The following CCDC122 variants were observed in gnomAD, a reference collection of about 807,000 sequenced individuals.
CCDC122 encodes coiled-coil domain-containing protein 122.
In CCDC122, 38 loss-of-function variants were observed where a neutral mutation model predicts 37.0. The ratio of observed to expected loss-of-function variants is 1.03; its 90% confidence interval spans 0.79 to 1.35. The LOEUF is 1.35. CCDC122 is among the 40% of genes most tolerant of loss of function. The probability of loss-of-function intolerance (pLI) is 0.00; values close to 1 mark genes in which losing one functional copy is unlikely to be tolerated. For missense variants in CCDC122, 305 were observed against 310.0 expected (o/e 0.98, Z 0.12); for synonymous variants, 83 against 95.6 (o/e 0.87, Z 0.77).
At chr13:43,872,337 G>T (rs9533665) in intron 2 of CCDC122, among the ~76,000 whole-genome samples, 19,875 of 151,900 alleles carry the variant, frequency 0.13, 1,631 homozygotes, top group African/African-American at 0.22. Context: ...CAGCTGCTTT[G>T]CTTATACTCA....
chr13:43,827,402 G>C (rs1231193081), intron 3 of CCDC122, among the ~76,000 whole-genome samples: 1 of 152,130 alleles, frequency 6.6e-6, no homozygotes, highest in African/African-American at 2.4e-5. Context: ...ATGCTAGACT[G>C]TCCATAATGA....
chr13:43,852,364 C>T (rs1328811310), intron 6 of CCDC122, among the ~76,000 whole-genome samples: 1 of 151,622 alleles, frequency 6.6e-6, no homozygotes, highest in Admixed American at 6.6e-5. Flanking sequence ...GCAGAATAGA[C>T]CAAGCAGAGG....
chr13:43,836,119 T>A (rs1953153835), downstream of CCDC122, among the ~76,000 whole-genome samples: 1 of 152,248 alleles, frequency 6.6e-6, no homozygotes. Flanking sequence ...AATTATTTAA[T>A]CCTACAAATG....
intron 5 of CCDC122, among the ~76,000 whole-genome samples, 154 bp downstream of exon 5, chr13:43,859,518 A>C (rs534820518): frequency 1.3e-5 from 2 of 152,188 alleles, no homozygotes; most frequent in East Asian, 3.9e-4. Flanking sequence ...ACATGTACTT[A>C]TTCCAAGTTT....
downstream of CCDC122, among the ~76,000 whole-genome samples, chr13:43,820,492 CAA>C (rs1481703645): frequency 2.6e-5 from 4 of 152,046 alleles, no homozygotes; most frequent in African/African-American, 9.7e-5. Flanking sequence ...TCTCACTGGT[CAA>C]AGATAGGGCT....
intron 4 of CCDC122, among the ~76,000 whole-genome samples, chr13:43,861,607 T>C (rs891560618): frequency 2.0e-5 from 3 of 152,170 alleles, no homozygotes; most frequent in Non-Finnish European, 2.9e-5. Flanking sequence ...AAATTTGTAA[T>C]GTTAGAGGGC....
At chr13:43,872,376 T>C (rs1954479945) in intron 2 of CCDC122, among the ~76,000 whole-genome samples, 1 of 152,124 alleles carries the variant, frequency 6.6e-6, no homozygotes, top group Admixed American at 6.6e-5. Context: ...AAGAAAGACA[T>C]GCAACTATGC....
chr13:43,845,477 G>A (rs1953487965), intron 6 of CCDC122, among the ~76,000 whole-genome samples: 2 of 152,202 alleles, frequency 1.3e-5, no homozygotes, highest in South Asian at 4.1e-4. Context: ...TTGGGAGGCT[G>A]AGGCAGGTAG....
At chr13:43,875,904 G>T (rs915497505) in intron 1 of CCDC122, among the ~76,000 whole-genome samples, 9 of 152,166 alleles carry the variant, frequency 5.9e-5, no homozygotes, top group African/African-American at 1.7e-4. Context: ...TGAATAAATA[G>T]CTTTTGCTTG....
rs116877091 is a variant in CCDC122, at chr13:43,870,726, G to A, written c.-113-1237C>T. 9.7e-3 allele frequency among the ~76,000 whole-genome samples: 1,477 copies of A among 152,178 alleles called. 7 individuals are homozygous for A. The highest frequency in any genetic ancestry group is 0.024 in the Middle Eastern group (7 of 294). ...TTCATTTTACAAAAAAAAGTACAGG[G>A]AGGTACACAAATGGATATAAGAATT... On this transcript the variant is annotated intron_variant, in intron 2 of 6. Transcript: ENST00000444614.
downstream of CCDC122, among the ~76,000 whole-genome samples, chr13:43,831,725 T>C (rs1440381909): frequency 6.6e-6 from 1 of 152,190 alleles, no homozygotes; most frequent in Non-Finnish European, 1.5e-5. Context: ...CAGAGAGCTT[T>C]ATGGGTAAGA....
chr13:43,864,334 A>G (rs548824418), intron 4 of CCDC122, among the ~76,000 whole-genome samples: 2 of 152,298 alleles, frequency 1.3e-5, no homozygotes, highest in East Asian at 3.9e-4. Flanking sequence ...CTTGTGTATT[A>G]GTCCATTCTG....
intron 4 of CCDC122, among the ~76,000 whole-genome samples, chr13:43,861,983 C>T (rs1453458811): frequency 6.6e-6 from 1 of 152,094 alleles, no homozygotes; most frequent in East Asian, 1.9e-4. Context: ...AATAAAATCC[C>T]CAATGCACTT....
At chr13:43,846,095 A>T (rs1460697680) in intron 6 of CCDC122, among the ~76,000 whole-genome samples, 1 of 149,742 alleles carries the variant, frequency 6.7e-6, no homozygotes, top group Non-Finnish European at 1.5e-5. Flanking sequence ...TTTTTTTGAG[A>T]CGGAGTTTCA....
At chr13:43,828,201 G>A (rs1953057741) in intron 3 of CCDC122, among the ~76,000 whole-genome samples, 1 of 152,138 alleles carries the variant, frequency 6.6e-6, no homozygotes, top group Non-Finnish European at 1.5e-5. Flanking sequence ...AAGATTAGAG[G>A]TAGGAAAGAC....
intron 1 of CCDC122, among the ~76,000 whole-genome samples, chr13:43,876,535 T>C (rs1482824849): frequency 6.6e-6 from 1 of 152,190 alleles, no homozygotes; most frequent in Non-Finnish European, 1.5e-5. Context: ...ACCACTTAAC[T>C]CACTCTATTA....
At chr13:43,875,781 C>G (rs969447272) in intron 1 of CCDC122, among the ~76,000 whole-genome samples, 1 of 152,192 alleles carries the variant, frequency 6.6e-6, no homozygotes, top group Admixed American at 6.5e-5. Context: ...TTCTAGTTAG[C>G]CTGCCTGCAG....
intron 6 of CCDC122, among the ~76,000 whole-genome samples, chr13:43,857,826 C>A (rs1953971007): frequency 6.6e-6 from 1 of 152,054 alleles, no homozygotes; most frequent in East Asian, 1.9e-4. Flanking sequence ...TCGCTGGAAC[C>A]CGGGAGGCCG....
downstream of CCDC122, chr13:43,836,333 A>T (rs1007155483): frequency 5.3e-5 from 8 of 152,262 alleles, no homozygotes; most frequent in African/African-American, 1.9e-4. Flanking sequence ...ACTTTAATTT[A>T]GTCACAGAAT....
Sources: allele counts gnomAD v4.1 joint callset (sites outside exome capture counted in the v4.1 genomes callset), GRCh38; gene constraint gnomAD v4.1.1; transcripts MANE v1.5; gene names NCBI Gene and HGNC (gene_info 2026-07-23, HGNC 2026-07-21).